Variants in SMAD6 observed in about 807,000 individuals in gnomAD.
SMAD6 encodes the protein SMAD family member 6.
In SMAD6, 103 loss-of-function variants were observed where a neutral mutation model predicts 39.4. The ratio of observed to expected loss-of-function variants is 2.62; its 90% CI spans 2.23 to 3.08. The LOEUF (loss-of-function observed/expected upper bound fraction) is 3.08, where lower values mean the gene tolerates loss of function less well. Ranked by LOEUF, SMAD6 falls within the 30% of genes most tolerant of loss-of-function variation. The pLI, the probability that SMAD6 is intolerant of heterozygous loss-of-function variation, is 0.00. For synonymous variants in SMAD6, 445 were observed against 353.3 expected, an observed-to-expected ratio of 1.26 and a Z score of -2.91; for missense variants, 1,104 against 742.9, an observed-to-expected ratio of 1.49 and a Z score of -5.65.
chr15:66,764,244 G>C (rs1894253283), intron 3 of SMAD6, among the ~76,000 whole-genome samples: 1 of 152,152 alleles, frequency 6.6e-6, no homozygotes, highest in South Asian at 2.1e-4. Flanking sequence ...AGTGCTAATA[G>C]GATAAACAGT....
At position 66,779,710 on chromosome 15, in the gene SMAD6, T is replaced by G. The variant is rs577362112; in HGVS notation, c.953-1287T>G. 2.0e-5 allele frequency among the ~76,000 whole-genome samples: 3 copies of G among 152,366 alleles called. No individual in the cohort carries two copies. The East Asian group carries it at 5.8e-4, about 29-fold the overall frequency. On this transcript the variant is annotated intron_variant, in intron 3 of 3. Coordinates refer to ENST00000288840, the MANE Select transcript of SMAD6 (RefSeq NM_005585.5). ...TGTCCTCTGGGATTTGGTTGGACTT[T>G]GATCAGTTTTCCTCAGAAAAAGAGC...
chr15:66,715,150 A>AT (rs1893303630), intron 2 of SMAD6, among the ~76,000 whole-genome samples: 1 of 144,796 alleles, frequency 6.9e-6, no homozygotes, highest in Non-Finnish European at 1.5e-5. Flanking sequence ...TTTTGGTATT[A>AT]TTTTCTCTTC....
chr15:66,708,702 G>A (rs752887529), intron 1 of SMAD6: 2 of 471,304 alleles, frequency 4.2e-6, no homozygotes, highest in South Asian at 3.1e-5. Flanking sequence ...TGTATGAAAT[G>A]AAATGTCCAG....
Position 66,703,953 on chromosome 15 carries a change from G to A in SMAD6, c.695G>A (p.Trp232Ter), listed in dbSNP as rs1595757398. 4 of 1,425,976 alleles carry A rather than the reference G, an allele frequency of 2.8e-6. No homozygotes were observed. The highest frequency in any genetic ancestry group is 1.4e-5 in the South Asian group (1 of 71,064). 88.3% of individuals were successfully genotyped at this position (1,425,976 alleles called of 1,614,324 possible). The change falls in exon 1 of 4, where the codon TGG becomes TAG. Residue 232 changes from tryptophan to a stop codon, truncating the protein, a stop_gained. Coordinates refer to ENST00000288840, the MANE Select transcript of SMAD6 (RefSeq NM_005585.5). LOFTEE classifies it high-confidence loss of function. ...CTGCTGCTCGGCCGCCTCTTTCGCTGGCCCGACCTGCAGCACGCCGTGGAG... is the reference window on the plus strand; with the variant it reads ...CTGCTGCTCGGCCGCCTCTTTCGCTAGCCCGACCTGCAGCACGCCGTGGAG... ...PQLLLGRLFR[W>*]PDLQHAVELK...
At chr15:66,762,002 C>A (rs763113124) in intron 3 of SMAD6, among the ~76,000 whole-genome samples, 3 of 152,166 alleles carry the variant, frequency 2.0e-5, no homozygotes, top group African/African-American at 7.2e-5. Flanking sequence ...CAGGCTGCGG[C>A]GTCTTCAGGC....
chr15:66,780,896 C>T (rs1894546918), intron 3 of SMAD6, 101 bp from the exon 4 acceptor site: 2 of 1,224,164 alleles, frequency 1.6e-6, no homozygotes, highest in East Asian at 2.6e-5. Context: ...GGAAACCTTA[C>T]CCAGCTCCCA....
intron 3 of SMAD6, among the ~76,000 whole-genome samples, chr15:66,721,239 G>A (rs1893426770): frequency 6.6e-6 from 1 of 152,082 alleles, no homozygotes; most frequent in Non-Finnish European, 1.5e-5. Flanking sequence ...CCTGCCACTC[G>A]GTAGCACCTG....
intron 3 of SMAD6, among the ~76,000 whole-genome samples, chr15:66,750,783 ATCC>A (rs1223997369): frequency 5.3e-5 from 8 of 152,166 alleles, no homozygotes; most frequent in Admixed American, 5.2e-4. Context: ...CACCCCTGCT[ATCC>A]TCCTTATGGG....
intron 1 of SMAD6, among the ~76,000 whole-genome samples, chr15:66,709,794 CTG>C (rs1469618717): frequency 3.3e-5 from 5 of 152,232 alleles, no homozygotes; most frequent in African/African-American, 1.2e-4. Context: ...AGTGGAAACA[CTG>C]GCCTCAATTC....
At chr15:66,733,708 AATTT>A (rs1893668687) in intron 3 of SMAD6, among the ~76,000 whole-genome samples, 1 of 152,120 alleles carries the variant, frequency 6.6e-6, no homozygotes, top group African/African-American at 2.4e-5. Context: ...TAAAGTGAAG[AATTT>A]ATTTATTTCT....
chr15:66,752,637 A>C (rs1894027480), intron 3 of SMAD6, among the ~76,000 whole-genome samples: 2 of 151,952 alleles, frequency 1.3e-5, no homozygotes, highest in South Asian at 4.2e-4. Context: ...AAAAATAATA[A>C]TTAAAAATTA....
chr15:66,756,210 G>A (rs576461543), intron 3 of SMAD6, among the ~76,000 whole-genome samples: 2 of 152,132 alleles, frequency 1.3e-5, no homozygotes, highest in East Asian at 3.9e-4. Flanking sequence ...AGGAGTGGGG[G>A]GTGCCTGGGA....
chr15:66,766,020 A>G (rs1894281955), intron 3 of SMAD6, among the ~76,000 whole-genome samples: 1 of 152,180 alleles, frequency 6.6e-6, no homozygotes, highest in South Asian at 2.1e-4. Context: ...GTGAACAAAG[A>G]GTGGTTAACT....
rs531041556 is a variant in SMAD6 at position 66,718,001 on chromosome 15, G to A, written c.952+1503G>A. Among the ~76,000 whole-genome samples, 71 of 152,220 alleles carry A rather than the reference G, an allele frequency of 4.7e-4. 1 individual carries two copies. In the South Asian group the frequency reaches 0.013, roughly 27 times the overall value. On this transcript the variant is annotated intron_variant, in intron 3 of 3. Coordinates refer to ENST00000288840, the MANE Select transcript of SMAD6 (RefSeq NM_005585.5). ...GGCTTAAAAGTATTTCTGAATTTGCGATTTTGTGTCACTGCCAGCCCTCAG... is the reference window on the plus strand; with the variant it reads ...GGCTTAAAAGTATTTCTGAATTTGCAATTTTGTGTCACTGCCAGCCCTCAG...
At position 66,703,276 on chromosome 15, in the gene SMAD6, C is replaced by T. The variant is rs1893016037; in HGVS notation, c.18C>T (p.Arg6=). The change falls in exon 1 of 4, where the codon CGC becomes CGT. Residue 6 remains arginine (R), a synonymous_variant. Transcript: ENST00000288840. ...GATATCGTATGTTCAGGTCCAAACGCTCGGGGCTGGTGCGGCGACTTTGGC... is the reference window on the plus strand; with the variant it reads ...GATATCGTATGTTCAGGTCCAAACGTTCGGGGCTGGTGCGGCGACTTTGGC... MFRSK[R]SGLVRRLWRS... 2 of 1,484,944 alleles carry T rather than the reference C, an allele frequency of 1.3e-6. No individual in the cohort carries two copies. The allele number at this position is 1,484,944 out of a possible 1,614,324, so 92.0% of individuals were successfully genotyped here.
chr15:66,742,927 C>G (rs947177479), intron 3 of SMAD6, among the ~76,000 whole-genome samples: 2 of 152,188 alleles, frequency 1.3e-5, no homozygotes, highest in African/African-American at 2.4e-5. Flanking sequence ...CTAGAGTCCC[C>G]CACCTGGAGT....
At chr15:66,760,025 C>T (rs1403873635) in intron 3 of SMAD6, among the ~76,000 whole-genome samples, 1 of 152,230 alleles carries the variant, frequency 6.6e-6, no homozygotes, top group Non-Finnish European at 1.5e-5. Context: ...CCTTTCTGGC[C>T]TTGTCTCCTG....
Position 66,703,454 on chromosome 15 carries a change from CGGCGGCCCCGG to C in SMAD6, c.198_208del (p.Pro68SerfsTer49). 7.9e-7 allele frequency: 1 copy of C among 1,271,728 alleles called. No homozygotes were observed. Among genetic ancestry groups the C allele is most frequent in the Non-Finnish European group, 9.9e-7 (1 of 1,005,450 alleles). The allele number at this position is 1,271,728 out of a possible 1,614,324, so 78.8% of individuals were successfully genotyped here. On this transcript the variant is annotated frameshift_variant, in exon 1 of 4. Transcript: ENST00000288840. LOFTEE classifies it high-confidence loss of function. ...CTCCGAAGTCCGCCCGGTAGCCCCG[CGGCGGCCCCGG>C]GACGCAGTGGGACAGCGAGGCGCCC...
intron 3 of SMAD6, 90 bp downstream of exon 3, chr15:66,716,588 TC>T (rs34522571): frequency 4.3e-6 from 4 of 930,618 alleles, no homozygotes; most frequent in East Asian, 4.8e-5. Flanking sequence ...CTTTTTGACT[TC>T]CCCTCTTCTT....
Sources: gnomAD v4.1 joint callset for allele counts (sites outside exome capture counted in the v4.1 genomes callset) on GRCh38, gnomAD v4.1.1 for gene constraint, MANE v1.5 for transcripts, NCBI Gene and HGNC (gene_info 2026-07-23, HGNC 2026-07-21) for gene names.